ADGRL3: variants seen among roughly 807,000 people sequenced by gnomAD.
The protein encoded by ADGRL3 is adhesion G protein-coupled receptor L3, also known as calcium-independent alpha-latrotoxin receptor 3.
A neutral mutation model predicts 153.5 loss-of-function variants in ADGRL3; 62 were observed. That is an observed-to-expected ratio of 0.40 (90% CI 0.33 to 0.50). The LOEUF (loss-of-function observed/expected upper bound fraction) is 0.50, where lower values mean the gene tolerates loss of function less well. Ranked by LOEUF, ADGRL3 falls within the 20% of genes least tolerant of loss-of-function variation. The pLI is 0.47. For synonymous variants in ADGRL3, 710 were observed against 672.5 expected, an observed-to-expected ratio of 1.06 and a Z score of -0.86; for missense variants, 1,641 against 1,859.4, an observed-to-expected ratio of 0.88 and a Z score of 2.16.
chr4:61,828,354 T>C (rs1221344526), intron 9 of ADGRL3, among the ~76,000 whole-genome samples: 1 of 152,140 alleles, frequency 6.6e-6, no homozygotes, highest in Non-Finnish European at 1.5e-5. Flanking sequence ...GGAAAATGTC[T>C]TAGGCTTGTA....
At chr4:61,379,284 T>C (rs182736905) in intron 1 of ADGRL3, among the ~76,000 whole-genome samples, 5 of 152,132 alleles carry the variant, frequency 3.3e-5, no homozygotes, top group African/African-American at 1.2e-4. Flanking sequence ...ATGTGATAAT[T>C]ATGTCTATTT....
At chr4:61,661,480 A>C (rs1045173011) in intron 5 of ADGRL3, among the ~76,000 whole-genome samples, 1 of 152,102 alleles carries the variant, frequency 6.6e-6, no homozygotes, top group Non-Finnish European at 1.5e-5. Context: ...CATTCTCCTA[A>C]GTAACATATG....
intron 3 of ADGRL3, among the ~76,000 whole-genome samples, chr4:61,514,620 A>G (rs1560764251): frequency 6.6e-6 from 1 of 152,128 alleles, no homozygotes; most frequent in Non-Finnish European, 1.5e-5. Flanking sequence ...GATTTCTTTT[A>G]TAGATACAGT....
At chr4:61,488,063 G>T (rs2098216990) in intron 2 of ADGRL3, among the ~76,000 whole-genome samples, 1 of 152,026 alleles carries the variant, frequency 6.6e-6, no homozygotes, top group Non-Finnish European at 1.5e-5. Flanking sequence ...ACAAGAAAGT[G>T]ATCCTGTGTC....
intron 8 of ADGRL3, among the ~76,000 whole-genome samples, chr4:61,764,680 T>C (rs750419983): frequency 1.1e-4 from 17 of 152,104 alleles, no homozygotes; most frequent in Non-Finnish European, 2.2e-4. Context: ...ATGGCTTGGC[T>C]TGGGCCCAGA....
rs192676630 is a variant in ADGRL3 at position 61,464,217 on chromosome 4, C to T, written c.-173-32904C>T. 1.8e-4 allele frequency among the ~76,000 whole-genome samples: 28 copies of T among 152,270 alleles called. 2 individuals are homozygous for T. In the East Asian group the frequency reaches 3.5e-3, roughly 19 times the overall value. ...AAAGTAGCGTTATCCTCATATAATTCCCTAACACATCAGTTGCTTTGGAAC... is the reference window on the plus strand; with the variant it reads ...AAAGTAGCGTTATCCTCATATAATTTCCTAACACATCAGTTGCTTTGGAAC... On this transcript the variant is annotated intron_variant, in intron 2 of 26. Transcript: ENST00000683033.
chr4:61,730,696 A>G, intron 7 of ADGRL3, 60 bp downstream of exon 7: 1 of 411,496 alleles, frequency 2.4e-6, no homozygotes. Context: ...TTAACAGTTT[A>G]ACATTTAGTT....
rs1745811631 is a variant in ADGRL3, at chr4:62,071,981, C to G, written c.*1073C>G. On this transcript the variant is annotated 3_prime_UTR_variant, in exon 27 of 27. Transcript: ENST00000683033. ...AAACTTTTATGTTTACAGGGCACGT[C>G]TGTTGTAATGCAAAGCATATTTGGC... is the stretch of plus-strand genomic sequence containing the variant. The G allele has an allele frequency of 4.4e-6, 1 of 227,140 alleles. No homozygotes were observed. Among genetic ancestry groups the G allele is most frequent in the Admixed American group, 5.8e-5 (1 of 17,154 alleles). 14.1% of individuals were successfully genotyped at this position (227,140 alleles called of 1,614,324 possible).
At chr4:61,757,940 T>C (rs1165818582) in intron 8 of ADGRL3, among the ~76,000 whole-genome samples, 2 of 152,176 alleles carry the variant, frequency 1.3e-5, no homozygotes, top group Non-Finnish European at 2.9e-5. Flanking sequence ...TTTGAGTGAG[T>C]TTCTTAATCC....
intron 19 of ADGRL3, among the ~76,000 whole-genome samples, chr4:61,985,465 T>G (rs1477951483): frequency 6.6e-6 from 1 of 151,956 alleles, no homozygotes; most frequent in East Asian, 1.9e-4. Flanking sequence ...AGGAGCCAAT[T>G]AGACATTAAT....
chr4:62,069,112 G>A (rs1744521855), intron 26 of ADGRL3, among the ~76,000 whole-genome samples: 1 of 151,948 alleles, frequency 6.6e-6, no homozygotes, highest in African/African-American at 2.4e-5. Context: ...ATAGATTCTT[G>A]TTTTTCTGTT....
chr4:61,518,156 C>T (rs2098509021), intron 4 of ADGRL3, among the ~76,000 whole-genome samples: 1 of 152,150 alleles, frequency 6.6e-6, no homozygotes, highest in South Asian at 2.1e-4. Flanking sequence ...TTACTCTTTT[C>T]CCGAACACTT....
intron 9 of ADGRL3, among the ~76,000 whole-genome samples, chr4:61,823,215 T>G (rs1167912459): frequency 6.6e-6 from 1 of 152,188 alleles, no homozygotes; most frequent in Non-Finnish European, 1.5e-5. Flanking sequence ...CTTACTTTGT[T>G]TTTAGTCTCT....
chr4:61,230,578 G>T (rs1258328897), intron 1 of ADGRL3, among the ~76,000 whole-genome samples: 1 of 151,888 alleles, frequency 6.6e-6, no homozygotes, highest in African/African-American at 2.4e-5. Flanking sequence ...TAGAGATGAG[G>T]TGTCACTATG....
chr4:61,252,567 A>G (rs1317498411), intron 1 of ADGRL3, among the ~76,000 whole-genome samples: 2 of 152,172 alleles, frequency 1.3e-5, no homozygotes, highest in Non-Finnish European at 2.9e-5. Context: ...AACTTTATAA[A>G]TTGATTCCTG....
At chr4:61,965,056 A>G (rs2150547956) in intron 17 of ADGRL3, among the ~76,000 whole-genome samples, 1 of 152,092 alleles carries the variant, frequency 6.6e-6, no homozygotes, top group East Asian at 1.9e-4. Context: ...GCCGGAGTGC[A>G]GTGGCATGAT....
At chr4:61,291,230 A>ACACACC (rs1223574675) in intron 1 of ADGRL3, among the ~76,000 whole-genome samples, 1 of 148,598 alleles carries the variant, frequency 6.7e-6, no homozygotes, top group Admixed American at 6.8e-5. Flanking sequence ...ACACACACAC[A>ACACACC]CCCCTCTGTG....
intron 1 of ADGRL3, among the ~76,000 whole-genome samples, chr4:61,357,689 G>A (rs949343833): frequency 6.6e-6 from 1 of 152,032 alleles, no homozygotes; most frequent in East Asian, 1.9e-4. Flanking sequence ...TTTGGCCCCT[G>A]TGAAAATACA....
chr4:61,212,486 G>T (rs1401962768), intron 1 of ADGRL3, among the ~76,000 whole-genome samples: 1 of 152,080 alleles, frequency 6.6e-6, no homozygotes, highest in Non-Finnish European at 1.5e-5. Flanking sequence ...GTATCCAGTA[G>T]TATTTTTCAA....
Sources: allele counts gnomAD v4.1 joint callset (sites outside exome capture counted in the v4.1 genomes callset), GRCh38; gene constraint gnomAD v4.1.1; transcripts MANE v1.5; gene names NCBI Gene and HGNC (gene_info 2026-07-23, HGNC 2026-07-21).